VDAC3: variants seen among roughly 807,000 people sequenced by gnomAD.
VDAC3 encodes non-selective voltage-gated ion channel VDAC3.
VDAC3 carries 7 observed loss-of-function variants against 33.9 expected under a neutral mutation model. That is an observed-to-expected ratio of 0.21 (90% CI 0.12 to 0.39). VDAC3 has a LOEUF of 0.39. Among genes scored for constraint, VDAC3 ranks in the 10% least tolerant of loss-of-function variants. The pLI is 1.00. For missense variants in VDAC3, 261 were observed against 334.5 expected (o/e 0.78, Z 1.71); for synonymous variants, 100 against 122.4 (o/e 0.82, Z 1.21).
chr8:42,398,066 T>A (rs539563692), intron 4 of VDAC3, among the ~76,000 whole-genome samples: 1 of 152,232 alleles, frequency 6.6e-6, no homozygotes, highest in Non-Finnish European at 1.5e-5. Context: ...TTGAAACATA[T>A]AGCAGAGAAC....
chr8:42,401,557 T>C (rs7831370), intron 6 of VDAC3, among the ~76,000 whole-genome samples: 2,750 of 152,322 alleles, frequency 0.018, 63 homozygotes, highest in African/African-American at 0.062. Flanking sequence ...TATCCTATCA[T>C]TTGAACTTAT....
At chr8:42,394,418 G>A in intron 3 of VDAC3, 140 bp downstream of exon 3, 1 of 736,308 alleles carries the variant, frequency 1.4e-6, no homozygotes, top group Non-Finnish European at 2.2e-6. Context: ...ACTATTAACA[G>A]GCTATTAGAC....
chr8:42,398,629 A>G (rs1802359319), intron 4 of VDAC3, 83 bp from the exon 5 acceptor site: 9 of 1,434,962 alleles, frequency 6.3e-6, no homozygotes, highest in Non-Finnish European at 8.5e-6. Context: ...ATTGTTTTTG[A>G]TACATTGAAC....
At chr8:42,397,788 G>T (rs1398987421) in intron 4 of VDAC3, among the ~76,000 whole-genome samples, 2 of 152,146 alleles carry the variant, frequency 1.3e-5, no homozygotes, top group African/African-American at 4.8e-5. Context: ...TTGAAAAATG[G>T]GTAGTACTTT....
At chr8:42,393,716 A>G (rs371025915) in intron 1 of VDAC3, 129 bp from the exon 2 acceptor site, 22 of 393,462 alleles carry the variant, frequency 5.6e-5, no homozygotes, top group African/African-American at 2.9e-4. Flanking sequence ...CTAGATGAAT[A>G]CACTTCAATT....
intron 3 of VDAC3, 99 bp downstream of exon 3, chr8:42,394,377 A>C: frequency 2.9e-6 from 3 of 1,026,784 alleles, no homozygotes; most frequent in Non-Finnish European, 2.9e-6. Context: ...GTAAGTCAGC[A>C]TTATTCCACT....
At position 42,391,883 on chromosome 8, in the gene VDAC3, C is replaced by G. The variant is rs1433048705; in HGVS notation, c.-88C>G. ...GCGCGGACGGCGTTGGTTTGAAGACCTTCAGCGTTGCCCTGGCGGAGCAGA... is the reference window on the plus strand; with the variant it reads ...GCGCGGACGGCGTTGGTTTGAAGACGTTCAGCGTTGCCCTGGCGGAGCAGA... On this transcript the variant is annotated 5_prime_UTR_variant, in exon 1 of 10. Transcript: ENST00000022615. 1 of 152,454 alleles carries G rather than the reference C, an allele frequency of 6.6e-6. No homozygotes were observed. Among genetic ancestry groups the G allele is most frequent in the African/African-American group, 2.4e-5 (1 of 41,450 alleles). 9.4% of individuals were successfully genotyped at this position (152,454 alleles called of 1,614,324 possible).
At position 42,396,256 on chromosome 8, in the gene VDAC3, C is replaced by T. The variant is rs534567249; in HGVS notation, c.117+1123C>T. On this transcript the variant is annotated intron_variant, in intron 4 of 9. Coordinates refer to ENST00000022615, the MANE Select transcript of VDAC3 (RefSeq NM_005662.7). The stretch of plus-strand genomic sequence containing the variant: ...CAGCCTGGGCAACAGTGCAAGACTC[C>T]GTCTCAGAAAAAATTGCTTTTATTT... Among the ~76,000 whole-genome samples the T allele has an allele frequency of 2.0e-4, 30 of 152,124 alleles. No homozygotes were observed. The East Asian group carries it at 5.0e-3, about 26-fold the overall frequency.
At chr8:42,392,055 GGGGGCCGGGGCCGCTCGCTCCCGCC>G (rs989639267) in intron 1 of VDAC3, 127 bp downstream of exon 1, 2 of 152,172 alleles carry the variant, frequency 1.3e-5, no homozygotes, top group Non-Finnish European at 2.9e-5. Flanking sequence ...CCGGGGCGCG[GGGGGCCGGGGCCGCTCGCTCCCGCC>G]GGGACCCGCC....
At chr8:42,402,235 T>C (rs1802428281) in intron 7 of VDAC3, 1 of 584,804 alleles carries the variant, frequency 1.7e-6, no homozygotes, top group Non-Finnish European at 3.0e-6. Flanking sequence ...CACCCCAAAC[T>C]TGAGGAAGCT....
intron 5 of VDAC3, 104 bp downstream of exon 5, chr8:42,398,968 G>T (rs879241441): frequency 7.3e-5 from 99 of 1,355,796 alleles, no homozygotes; most frequent in Non-Finnish European, 5.0e-6. Context: ...AACCTATCTA[G>T]TAGCCATATT....
At chr8:42,399,435 A>G in intron 5 of VDAC3, 1 of 415,230 alleles carries the variant, frequency 2.4e-6, no homozygotes, top group Non-Finnish European at 4.5e-6. Context: ...TTGCTAAAAT[A>G]GGATTTGCCC....
At chr8:42,393,641 G>T (rs1466073072) in intron 1 of VDAC3, among the ~76,000 whole-genome samples, 1 of 152,168 alleles carries the variant, frequency 6.6e-6, no homozygotes, top group Non-Finnish European at 1.5e-5. Context: ...GGTAGAATCT[G>T]TCATATTTCT....
Position 42,401,804 on chromosome 8 carries a change from T to C in VDAC3, c.340T>C (p.Leu114=). The change falls in exon 7 of 10, where the codon TTG becomes CTG. Residue 114 remains leucine, a synonymous_variant. Transcript: ENST00000022615. ...TTATTGCAGAAAGAAGAGTGGGAAA[T>C]TGAAGGCCTCCTATAAACGGGATTG... The part of the protein sequence containing the change: ...VPNTGKKSGK[L]KASYKRDCFS... 2 of 1,614,164 alleles carry C rather than the reference T, an allele frequency of 1.2e-6. No individual in the cohort carries two copies. Among genetic ancestry groups the C allele is most frequent in the South Asian group, 1.1e-5 (1 of 91,084 alleles).
At chr8:42,405,211 C>T (rs1802479037) in intron 9 of VDAC3, among the ~76,000 whole-genome samples, 160 bp from the exon 10 acceptor site, 1 of 152,240 alleles carries the variant, frequency 6.6e-6, no homozygotes, top group Admixed American at 6.5e-5. Flanking sequence ...CCTCATTACA[C>T]ATCAGATAGT....
chr8:42,396,346 A>C (rs1047041033), intron 4 of VDAC3, among the ~76,000 whole-genome samples: 3 of 152,178 alleles, frequency 2.0e-5, no homozygotes, highest in African/African-American at 7.2e-5. Flanking sequence ...CATTGGCTGC[A>C]TCGTTTTTGG....
intron 4 of VDAC3, among the ~76,000 whole-genome samples, chr8:42,398,474 C>T (rs150218856): frequency 1.0e-3 from 155 of 152,230 alleles, no homozygotes; most frequent in Middle Eastern, 3.4e-3. Flanking sequence ...GGGATCCACC[C>T]GCCTTGGCCT....
chr8:42,393,709 G>T (rs190457893), intron 1 of VDAC3, 136 bp from the exon 2 acceptor site: 1 of 390,648 alleles, frequency 2.6e-6, no homozygotes, highest in African/African-American at 2.1e-5. Context: ...ATATATTCTA[G>T]ATGAATACAC....
rs564591829 is a variant in VDAC3, at chr8:42,393,837, T to C, written c.-42-8T>C. ...TTCTTTAAAAATTTCCATTGTTGTC[T>C]TATACAGGTCTTTGGTTTCATAAGA... On this transcript the variant is annotated splice_region_variant and splice_polypyrimidine_tract_variant and intron_variant, in intron 1 of 9. Coordinates refer to ENST00000022615, the MANE Select transcript of VDAC3 (RefSeq NM_005662.7). 2.4e-6 allele frequency: 1 copy of C among 417,316 alleles called. No homozygotes were observed. The highest frequency in any genetic ancestry group is 8.8e-5 in the South Asian group (1 of 11,412). 25.9% of individuals were successfully genotyped at this position (417,316 alleles called of 1,614,324 possible).
Sources: allele counts gnomAD v4.1 joint callset (sites outside exome capture counted in the v4.1 genomes callset), GRCh38; gene constraint gnomAD v4.1.1; transcripts MANE v1.5; gene names NCBI Gene and HGNC (gene_info 2026-07-23, HGNC 2026-07-21).